Variants in ME1 observed in about 807,000 individuals in gnomAD.
The protein encoded by ME1 is malic enzyme 1.
ME1 carries 74 observed loss-of-function variants against 66.4 expected under a neutral mutation model. The ratio of observed to expected loss-of-function variants is 1.11; its 90% CI spans 0.92 to 1.35. The LOEUF is 1.35. ME1 is among the 40% of genes most tolerant of loss of function. ME1 has a pLI of 0.00. For missense variants in ME1, 750 were observed against 694.1 expected, an observed-to-expected ratio of 1.08 and a Z score of -0.90; for synonymous variants, 251 against 235.6, an observed-to-expected ratio of 1.07 and a Z score of -0.60.
intron 7 of ME1, among the ~76,000 whole-genome samples, chr6:83,247,822 A>C (rs1225211169): frequency 6.6e-6 from 1 of 152,238 alleles, no homozygotes; most frequent in African/African-American, 2.4e-5. Flanking sequence ...GGTTTTCTCT[A>C]GTCAGAGATT....
intron 2 of ME1, among the ~76,000 whole-genome samples, chr6:83,404,411 G>C (rs1306597040): frequency 6.6e-6 from 1 of 152,086 alleles, no homozygotes; most frequent in East Asian, 1.9e-4. Context: ...CCTTTTGTCA[G>C]ATTGACAGAT....
At chr6:83,344,899 T>C (rs1357893607) in intron 5 of ME1, among the ~76,000 whole-genome samples, 1 of 151,680 alleles carries the variant, frequency 6.6e-6, no homozygotes, top group Middle Eastern at 3.2e-3. Flanking sequence ...TAAAATAAAA[T>C]AAAATAATAA....
At chr6:83,397,896 A>G (rs934683249) in intron 3 of ME1, among the ~76,000 whole-genome samples, 1 of 152,228 alleles carries the variant, frequency 6.6e-6, no homozygotes, top group Admixed American at 6.5e-5. Context: ...CAAATACCAC[A>G]TGATCTTACA....
chr6:83,404,145 T>C (rs1296511366), intron 2 of ME1, among the ~76,000 whole-genome samples: 1 of 152,184 alleles, frequency 6.6e-6, no homozygotes, highest in East Asian at 1.9e-4. Flanking sequence ...TTCCTATTTC[T>C]CTACAGCCTC....
chr6:83,262,861 A>G (rs1766923919), intron 6 of ME1, among the ~76,000 whole-genome samples: 1 of 152,208 alleles, frequency 6.6e-6, no homozygotes, highest in South Asian at 2.1e-4. Context: ...CTTATTTCAT[A>G]CTACAAGAAT....
chr6:83,417,512 G>A (rs1050538401), intron 1 of ME1, among the ~76,000 whole-genome samples: 3 of 151,986 alleles, frequency 2.0e-5, no homozygotes, highest in African/African-American at 7.2e-5. Flanking sequence ...TCCTAAGCAG[G>A]TGGGACTACA....
intron 3 of ME1, among the ~76,000 whole-genome samples, chr6:83,364,754 A>G (rs779344100): frequency 5.4e-4 from 82 of 152,140 alleles, no homozygotes; most frequent in Non-Finnish European, 9.8e-4. Context: ...CTATCTATCT[A>G]TCTATCAAAA....
intron 6 of ME1, among the ~76,000 whole-genome samples, chr6:83,275,464 C>CTTTTTTT (rs767009219): frequency 8.4e-6 from 1 of 119,726 alleles, no homozygotes; most frequent in Non-Finnish European, 1.7e-5. Flanking sequence ...TAGTTTTGAT[C>CTTTTTTT]TTTTTTTTTT....
At chr6:83,259,232 T>C (rs977354850) in intron 6 of ME1, among the ~76,000 whole-genome samples, 2 of 152,206 alleles carry the variant, frequency 1.3e-5, no homozygotes, top group African/African-American at 2.4e-5. Context: ...TTTTTTATAA[T>C]GTATTGAAGC....
Position 83,253,649 on chromosome 6 carries a change from G to A in ME1, c.794C>T (p.Thr265Ile). Reference protein sequence around the residue: ...LLNKYRNQYCTFNDDIQGTAS... With the variant: ...LLNKYRNQYCIFNDDIQGTAS... ...GTTACCTTGAATATCATCATTGAATGTGCAATACTGGTTTCGATACTTGTT... is the reference window on the plus strand; with the variant it reads ...GTTACCTTGAATATCATCATTGAATATGCAATACTGGTTTCGATACTTGTT... Residue 265 changes from threonine (T) to isoleucine (I), a missense_variant, in exon 7 of 14, where the codon ACA (threonine) becomes ATA (isoleucine). Physicochemically the swap from Thr to Ile is moderately conservative, Grantham distance 89. Transcript: ENST00000369705. The A allele has an allele frequency of 1.9e-6, 3 of 1,603,758 alleles. No homozygotes were observed. The highest frequency in any genetic ancestry group is 1.3e-5 in the African/African-American group (1 of 74,796).
chr6:83,357,935 C>CTCTCTCTA (rs1447805761), intron 3 of ME1, among the ~76,000 whole-genome samples: 14 of 30,038 alleles, frequency 4.7e-4, no homozygotes, highest in Non-Finnish European at 6.5e-4. Flanking sequence ...CTCTCTCTCT[C>CTCTCTCTA]TATATATATA....
At chr6:83,429,900 TA>T (rs1770450343) in intron 1 of ME1, among the ~76,000 whole-genome samples, 1 of 152,026 alleles carries the variant, frequency 6.6e-6, no homozygotes, top group African/African-American at 2.4e-5. Context: ...GACTCCTGAA[TA>T]AATAGGAAAT....
chr6:83,357,900 CCCCTCTCTCTCT>C (rs1199226814), intron 3 of ME1, among the ~76,000 whole-genome samples: 3 of 56,206 alleles, frequency 5.3e-5, no homozygotes, highest in African/African-American at 2.6e-4. Context: ...TTAATAAACT[CCCCTCTCTCTCT>C]CTCTCTCTCT....
chr6:83,270,377 C>A (rs377162144), intron 6 of ME1, among the ~76,000 whole-genome samples: 2 of 151,958 alleles, frequency 1.3e-5, no homozygotes, highest in South Asian at 4.2e-4. Flanking sequence ...ACATAAAAAT[C>A]TCTTTTCTCC....
intron 9 of ME1, among the ~76,000 whole-genome samples, chr6:83,237,280 G>A (rs9344343): frequency 0.019 from 400 of 21,446 alleles, 18 homozygotes; most frequent in Middle Eastern, 0.048. Flanking sequence ...AGAAAGAAAG[G>A]AAGGAAGGAA....
intron 6 of ME1, among the ~76,000 whole-genome samples, chr6:83,265,094 T>C (rs1334243995): frequency 6.6e-6 from 1 of 152,144 alleles, no homozygotes; most frequent in African/African-American, 2.4e-5. Flanking sequence ...GTAACCACCA[T>C]TGTAATCAGT....
At chr6:83,301,551 C>T (rs1053858717) in intron 6 of ME1, among the ~76,000 whole-genome samples, 2 of 152,060 alleles carry the variant, frequency 1.3e-5, no homozygotes, top group Non-Finnish European at 1.5e-5. Context: ...CCATGTTGAC[C>T]AGGCTGGTCT....
intron 9 of ME1, among the ~76,000 whole-genome samples, chr6:83,231,788 T>C (rs1184009203): frequency 6.6e-6 from 1 of 152,160 alleles, no homozygotes; most frequent in African/African-American, 2.4e-5. Context: ...GCAAAGTGCA[T>C]GTGGGCACCT....
rs925375420 is a variant in ME1, at chr6:83,211,277, G to A, written c.*647C>T. The A allele has an allele frequency of 6.5e-6, 1 of 152,680 alleles. No individual in the cohort carries two copies. The highest frequency in any genetic ancestry group is 6.5e-5 in the Admixed American group (1 of 15,280). The allele number at this position is 152,680 out of a possible 1,614,324, so 9.5% of individuals were successfully genotyped here. A position where few individuals can be genotyped will look rare whatever the true frequency, so the allele number is the denominator to read the frequency against. ...ATTTCAGGTGGGATTTCTGACTCAGGATCAAGGTAATAAGAGCTTTACTCT... is the reference window on the plus strand; with the variant it reads ...ATTTCAGGTGGGATTTCTGACTCAGAATCAAGGTAATAAGAGCTTTACTCT... On this transcript the variant is annotated 3_prime_UTR_variant, in exon 14 of 14. Transcript: ENST00000369705.
Sources: allele counts gnomAD v4.1 joint callset (sites outside exome capture counted in the v4.1 genomes callset), GRCh38; gene constraint gnomAD v4.1.1; transcripts MANE v1.5; gene names NCBI Gene and HGNC (gene_info 2026-07-23, HGNC 2026-07-21).